Variants in C2CD3 observed in about 807,000 individuals in gnomAD.
The protein encoded by C2CD3 is C2 domain containing 3 centriole elongation regulator.
A neutral mutation model predicts 234.0 loss-of-function variants in C2CD3; 148 were observed. That is an observed-to-expected ratio of 0.63 (90% CI 0.55 to 0.72). The LOEUF (loss-of-function observed/expected upper bound fraction) is 0.72. C2CD3 is among the 30% of genes least tolerant of loss of function. C2CD3 has a pLI of 0.00. For missense variants in C2CD3, 2,577 were observed against 2,811.5 expected (o/e 0.92, Z 1.89); for synonymous variants, 1,000 against 1,035.4 (o/e 0.97, Z 0.66).
intron 23 of C2CD3, among the ~76,000 whole-genome samples, chr11:74,076,099 A>C (rs1364369351): frequency 6.6e-6 from 1 of 152,246 alleles, no homozygotes; most frequent in Non-Finnish European, 1.5e-5. Flanking sequence ...CTGTCTTTAT[A>C]AACTTTAGTT....
In C2CD3 at chr11:74,034,089, A is replaced by G; in HGVS notation, c.6071T>C (p.Leu2024Pro). ...TCTTCCTCCATTTGAAGTCTCTTCG[A>G]GAGGAGGGGGTGATGGGGAATCTGT... is the stretch of plus-strand genomic sequence containing the variant. ...KGTDSPSPPP[L>P]EETSNGGRML... Residue 2024 changes from leucine to proline, a missense_variant, in exon 31 of 33, where the codon CTC (leucine) becomes CCC (proline). Coordinates refer to ENST00000334126, the MANE Select transcript of C2CD3 (RefSeq NM_001286577.2). The G allele has an allele frequency of 6.5e-7, 1 of 1,536,108 alleles. No homozygotes were observed. The highest frequency in any genetic ancestry group is 8.7e-7 in the Non-Finnish European group (1 of 1,146,904).
intron 32 of C2CD3, among the ~76,000 whole-genome samples, chr11:74,021,644 C>T (rs941251): frequency 0.025 from 3,835 of 152,282 alleles, 182 homozygotes; most frequent in African/African-American, 0.088. Context: ...CACATGCAAT[C>T]AGGCACTGAG....
At chr11:74,076,732 C>A (rs542322837) in intron 23 of C2CD3, among the ~76,000 whole-genome samples, 2 of 152,266 alleles carry the variant, frequency 1.3e-5, no homozygotes, top group Admixed American at 6.5e-5. Flanking sequence ...TTCTCCTGTA[C>A]TTTGACCCAT....
intron 32 of C2CD3, among the ~76,000 whole-genome samples, chr11:74,026,059 C>A (rs1458511806): frequency 5.9e-5 from 9 of 152,168 alleles, no homozygotes; most frequent in Admixed American, 1.3e-4. Context: ...CTGGACAGGA[C>A]TGACACTTCT....
At chr11:74,065,387 G>C (rs529211467) in intron 24 of C2CD3, among the ~76,000 whole-genome samples, 2 of 152,300 alleles carry the variant, frequency 1.3e-5, no homozygotes, top group Admixed American at 6.5e-5. Flanking sequence ...CAGTTAGAAT[G>C]GCGATCATTA....
chr11:74,151,046 C>T (rs1378154304), intron 3 of C2CD3, among the ~76,000 whole-genome samples: 1 of 152,002 alleles, frequency 6.6e-6, no homozygotes. Flanking sequence ...CTGCCTTAGC[C>T]TCCTGAGTAG....
In C2CD3 at chr11:74,084,987, A is replaced by C. The variant is rs1327875983; in HGVS notation, c.3911-17T>G. 1 of 1,495,500 alleles carries C rather than the reference A, an allele frequency of 6.7e-7. No homozygotes were observed. The highest frequency in any genetic ancestry group is 9.3e-7 in the Non-Finnish European group (1 of 1,073,328). 92.6% of individuals were successfully genotyped at this position (1,495,500 alleles called of 1,614,324 possible). On this transcript the variant is annotated splice_polypyrimidine_tract_variant and intron_variant, in intron 21 of 32. Coordinates refer to ENST00000334126, the MANE Select transcript of C2CD3 (RefSeq NM_001286577.2). ...TATCACTTGCTGTTAAATCAAGCAA[A>C]AAAGAAAAATTATTTGATGGTCTAT...
chr11:74,015,173 T>G lies in C2CD3; in HGVS notation c.6922-1648A>C, dbSNP rs550559984. Among the ~76,000 whole-genome samples, 4 of 152,316 alleles carry G rather than the reference T, an allele frequency of 2.6e-5. No individual in the cohort carries two copies. In the East Asian group the frequency reaches 7.7e-4, roughly 29 times the overall value. ...CTGGGTGCTCCTGCAGGGCACGGCC[T>G]GGGTCTGAGGCTTGGGATCCCAGCG... On this transcript the variant is annotated intron_variant, in intron 32 of 32. Transcript: ENST00000334126.
At chr11:74,097,958 A>T (rs776345828) in intron 16 of C2CD3, 51 bp downstream of exon 16, 1 of 1,569,064 alleles carries the variant, frequency 6.4e-7, no homozygotes, top group South Asian at 1.2e-5. Context: ...TCACTAAAAT[A>T]TGCAAGAGAA....
intron 26 of C2CD3, among the ~76,000 whole-genome samples, chr11:74,049,826 G>A (rs1953587083): frequency 6.6e-6 from 1 of 152,034 alleles, no homozygotes; most frequent in Non-Finnish European, 1.5e-5. Flanking sequence ...TGATGTCTAG[G>A]TTGCAGTGCA....
intron 3 of C2CD3, among the ~76,000 whole-genome samples, chr11:74,146,691 T>A (rs945527563): frequency 7.3e-6 from 1 of 137,358 alleles, no homozygotes; most frequent in African/African-American, 2.6e-5. Flanking sequence ...TTACTTTGTC[T>A]ACAAGGCTAA....
intron 7 of C2CD3, 52 bp downstream of exon 7, chr11:74,132,792 T>C (rs1224992286): frequency 1.9e-6 from 3 of 1,569,572 alleles, no homozygotes; most frequent in Non-Finnish European, 1.7e-6. Flanking sequence ...CAATGCATAC[T>C]ATGAATTGGA....
At chr11:74,152,216 G>C (rs886197306) in intron 3 of C2CD3, among the ~76,000 whole-genome samples, 7 of 152,112 alleles carry the variant, frequency 4.6e-5, no homozygotes, top group African/African-American at 1.7e-4. Flanking sequence ...TGAAAGAGGA[G>C]ATATAATCAC....
chr11:74,166,273 C>T (rs1194380766), intron 2 of C2CD3, among the ~76,000 whole-genome samples: 6 of 150,034 alleles, frequency 4.0e-5, no homozygotes, highest in African/African-American at 7.4e-5. Flanking sequence ...GCCAAGATTG[C>T]GCCACTGCAC....
At chr11:74,130,703 T>C (rs905401060) in intron 7 of C2CD3, among the ~76,000 whole-genome samples, 2 of 152,238 alleles carry the variant, frequency 1.3e-5, no homozygotes, top group African/African-American at 2.4e-5. Context: ...TTGATTTATA[T>C]GTCTATCCTT....
chr11:74,121,608 CAAAAAAA>C (rs369249513), intron 8 of C2CD3, among the ~76,000 whole-genome samples: 2 of 62,184 alleles, frequency 3.2e-5, no homozygotes, highest in Non-Finnish European at 7.7e-5. Flanking sequence ...GACTCCGTCT[CAAAAAAA>C]AAAAAAAAAA....
At position 74,103,259 on chromosome 11, in the gene C2CD3, T is replaced by C. The variant is rs778751243; in HGVS notation, c.2452A>G (p.Ile818Val). 9.5e-5 allele frequency: 153 copies of C among 1,614,094 alleles called. No individual in the cohort carries two copies. Among genetic ancestry groups the C allele is most frequent in the Non-Finnish European group, 1.2e-4 (146 of 1,180,028 alleles). The part of the protein sequence containing the change: ...LLMVPDGKDF[I>V]SGESEKQSPC... The stretch of plus-strand genomic sequence containing the variant: ...GATTGTTTCTCAGATTCTCCACTAA[T>C]AAAATCTTTCCCATCTGGCACCATC... The change falls in exon 14 of 33, where the codon ATT becomes GTT. Residue 818 changes from isoleucine to valine, a missense_variant. Coordinates refer to ENST00000334126, the MANE Select transcript of C2CD3 (RefSeq NM_001286577.2).
At chr11:74,141,968 C>CTACA (rs1565340350) in intron 3 of C2CD3, among the ~76,000 whole-genome samples, 1 of 152,068 alleles carries the variant, frequency 6.6e-6, no homozygotes. Flanking sequence ...TGCCACTGTA[C>CTACA]TACAGCCTGG....
intron 4 of C2CD3, among the ~76,000 whole-genome samples, 161 bp from the exon 5 acceptor site, chr11:74,139,128 C>T (rs1477259752): frequency 1.3e-5 from 2 of 152,174 alleles, no homozygotes; most frequent in African/African-American, 4.8e-5. Context: ...TCTTTTTCAT[C>T]TCCCAAATTA....
Sources: gnomAD v4.1 joint callset for allele counts (sites outside exome capture counted in the v4.1 genomes callset) on GRCh38, gnomAD v4.1.1 for gene constraint, MANE v1.5 for transcripts, NCBI Gene and HGNC (gene_info 2026-07-23, HGNC 2026-07-21) for gene names.